The following ARHGAP9 variants were observed in gnomAD, a reference collection of about 807,000 sequenced individuals.
ARHGAP9 encodes the protein rho GTPase-activating protein 9.
In ARHGAP9, 76 loss-of-function variants were observed where a neutral mutation model predicts 87.3. That is an observed-to-expected ratio of 0.87 (90% CI 0.72 to 1.05). The LOEUF is 1.05. Among genes scored for constraint, ARHGAP9 ranks in the 50% least tolerant of loss-of-function variants. The pLI, the probability that ARHGAP9 is intolerant of heterozygous loss-of-function variation, is 0.00. For missense variants in ARHGAP9, 941 were observed against 960.5 expected, an observed-to-expected ratio of 0.98 and a Z score of 0.27; for synonymous variants, 382 against 394.9, an observed-to-expected ratio of 0.97 and a Z score of 0.39.
At chr12:57,484,052 A>T (rs57345250), upstream of ARHGAP9, 2,089 of 272,204 alleles carry the variant, frequency 7.7e-3, 56 homozygotes, top group African/African-American at 0.037. Context: ...AAAAAAAAAA[A>T]AAAAAAAAAA....
In ARHGAP9 at chr12:57,472,662, C is replaced by T. The variant is rs760663898; in HGVS notation, c.2051G>A (p.Arg684His). 13 of 1,614,026 alleles carry T rather than the reference C, an allele frequency of 8.1e-6. No homozygotes were observed. Among genetic ancestry groups the T allele is most frequent in the African/African-American group, 4.0e-5 (3 of 74,900 alleles). ...AATTCCCAGGTTGTGGGGTGTCATG[C>T]GATTCTTATCTGAGTGTGCTATCAC... ...CRVIAHSDKN[R>H]MTPHNLGIVF... is the part of the protein sequence containing the mutation. The change falls in exon 18 of 18, where the codon CGC becomes CAC. Residue 684 changes from arginine to histidine, a missense_variant. Transcript: ENST00000393791.
intron 10 of ARHGAP9, 77 bp from the exon 11 acceptor site, chr12:57,475,692 CG>C (rs1873351849): frequency 6.4e-7 from 1 of 1,566,068 alleles, no homozygotes; most frequent in Non-Finnish European, 8.7e-7. Context: ...GACCCACTGC[CG>C]GGGTCCCACA....
chr12:57,478,052 G>T (rs960990707), intron 3 of ARHGAP9: 3 of 879,360 alleles, frequency 3.4e-6, no homozygotes, highest in Non-Finnish European at 4.4e-6. Context: ...CAGAAGGGAA[G>T]AGGAGCCCCT....
chr12:57,479,805 G>A lies in ARHGAP9; in HGVS notation c.-94C>T, dbSNP rs146101996. 3.8e-4 allele frequency: 588 copies of A among 1,538,178 alleles called. No homozygotes were observed. Among genetic ancestry groups the A allele is most frequent in the Non-Finnish European group, 4.8e-4 (544 of 1,141,036 alleles). On this transcript the variant is annotated 5_prime_UTR_variant, in exon 1 of 18. Transcript: ENST00000393791. ...GGTGGGAGTCTTGAGGTGGACACAG[G>A]AAGGAGATAAGAAGAAAGAATCAGG...
chr12:57,474,312 T>A, intron 15 of ARHGAP9, 111 bp downstream of exon 15: 1 of 1,574,580 alleles, frequency 6.4e-7, no homozygotes, highest in East Asian at 2.2e-5. Flanking sequence ...GCAAGGTAGC[T>A]AAGGTGGGGA....
intron 1 of ARHGAP9, 59 bp downstream of exon 1, chr12:57,479,671 G>A: frequency 6.4e-7 from 1 of 1,550,646 alleles, no homozygotes. Flanking sequence ...AGGGCTGCAT[G>A]GCCAGCAAGG....
rs1332322589 is a variant in ARHGAP9 at position 57,476,473 on chromosome 12, G to T, written c.1026-19C>A. ...GTTCTTCCTGCGGGGACAGAGAGGG[G>T]AGGTAGTGGTAGCGAACAGGTCATT... On this transcript the variant is annotated intron_variant, in intron 7 of 17. Transcript: ENST00000393791. 6.2e-7 allele frequency: 1 copy of T among 1,613,890 alleles called. No individual in the cohort carries two copies. Among genetic ancestry groups the T allele is most frequent in the Non-Finnish European group, 8.5e-7 (1 of 1,179,928 alleles).
intron 17 of ARHGAP9, 141 bp from the exon 18 acceptor site, chr12:57,472,829 C>T (rs1872288649): frequency 2.3e-6 from 2 of 857,486 alleles, no homozygotes; most frequent in Admixed American, 4.7e-5. Flanking sequence ...CAAGGAGATA[C>T]AAGGAGAATG....
chr12:57,486,587 C>A (rs1875421737), intron 1 of ARHGAP9, among the ~76,000 whole-genome samples: 1 of 114,332 alleles, frequency 8.7e-6, no homozygotes, highest in Non-Finnish European at 1.8e-5. Flanking sequence ...TCAATTTCAT[C>A]TTTTCCCTAG....
chr12:57,483,589 T>A (rs1018679620), upstream of ARHGAP9, among the ~76,000 whole-genome samples: 1 of 152,230 alleles, frequency 6.6e-6, no homozygotes, highest in Non-Finnish European at 1.5e-5. Context: ...TGCAGTCTTA[T>A]GCGAATTCCT....
upstream of ARHGAP9, among the ~76,000 whole-genome samples, chr12:57,481,685 C>G (rs776340): frequency 0.97 from 148,203 of 152,296 alleles, 72,231 homozygotes; most frequent in East Asian, 1. Context: ...GCCTGAGCAT[C>G]CTGCAGTCCT....
intron 1 of ARHGAP9, chr12:57,487,893 C>T: frequency 1.9e-6 from 1 of 532,262 alleles, no homozygotes; most frequent in Non-Finnish European, 3.4e-6. Context: ...TAGCCCGCAT[C>T]TGCGGCCTCT....
At chr12:57,473,745 T>G (rs1872624855) in intron 16 of ARHGAP9, 37 bp from the exon 17 acceptor site, 2 of 1,575,002 alleles carry the variant, frequency 1.3e-6, no homozygotes, top group African/African-American at 2.7e-5. Context: ...GTAGTAAGGT[T>G]AGGGAAGGTG....
chr12:57,478,952 G>T, intron 2 of ARHGAP9, 139 bp downstream of exon 2: 1 of 1,237,902 alleles, frequency 8.1e-7, no homozygotes, highest in Non-Finnish European at 1.1e-6. Context: ...CAAGAGGTAG[G>T]CTGATCAAAG....
chr12:57,488,406 C>T (rs2139994895), intron 1 of ARHGAP9: 1 of 747,658 alleles, frequency 1.3e-6, no homozygotes, highest in East Asian at 2.7e-5. Flanking sequence ...ATACCCTTCC[C>T]TTATCTCTCT....
chr12:57,484,653 T>C (rs370897241), upstream of ARHGAP9, among the ~76,000 whole-genome samples: 5 of 152,248 alleles, frequency 3.3e-5, no homozygotes, highest in East Asian at 7.7e-4. Context: ...AGTTTGTTTG[T>C]TTATTTATTT....
chr12:57,475,405 G>C lies in ARHGAP9; in HGVS notation c.1445-7C>G. On this transcript the variant is annotated splice_region_variant and splice_polypyrimidine_tract_variant and intron_variant, in intron 11 of 17. Coordinates refer to ENST00000393791, the MANE Select transcript of ARHGAP9 (RefSeq NM_032496.4). ...GTGCCTTCGGGCCCCCGAACTGCAG[G>C]AGGCAGGTAGAGCGGGGCGTGAGCG... 3 of 1,589,254 alleles carry C rather than the reference G, an allele frequency of 1.9e-6. No homozygotes were observed. Among genetic ancestry groups the C allele is most frequent in the Non-Finnish European group, 1.7e-6 (2 of 1,167,916 alleles).
chr12:57,479,366 A>C lies in ARHGAP9; in HGVS notation c.41T>G (p.Leu14Arg). 1 of 1,613,786 alleles carries C rather than the reference A, an allele frequency of 6.2e-7. No individual in the cohort carries two copies. Among genetic ancestry groups the C allele is most frequent in the East Asian group, 2.2e-5 (1 of 44,878 alleles). Reference protein sequence around the residue: ...SRWWPSSWGILGLGPRSPPRG... With the variant: ...SRWWPSSWGIRGLGPRSPPRG... ...AGGAGGGCTTCGGGGGCCCAGCCCT[A>C]GGATCCCCCAGGAACTTGGCCACCA... The change falls in exon 2 of 18, where the codon CTA becomes CGA. Residue 14 changes from leucine to arginine, a missense_variant. By Grantham distance (102) the Leu-to-Arg change is moderately radical. Coordinates refer to ENST00000393791, the MANE Select transcript of ARHGAP9 (RefSeq NM_032496.4).
chr12:57,477,435 G>C, intron 4 of ARHGAP9, 24 bp downstream of exon 4: 4 of 1,611,692 alleles, frequency 2.5e-6, no homozygotes, highest in East Asian at 4.5e-5. Context: ...GGGGACAGTG[G>C]AGAAGCAGGA....
Sources: gnomAD v4.1 joint callset for allele counts (sites outside exome capture counted in the v4.1 genomes callset) on GRCh38, gnomAD v4.1.1 for gene constraint, MANE v1.5 for transcripts, NCBI Gene and HGNC (gene_info 2026-07-23, HGNC 2026-07-21) for gene names.